The following PMP22 variants were observed in gnomAD, a reference collection of about 807,000 sequenced individuals.
The protein encoded by PMP22 is peripheral myelin protein 22.
PMP22 carries 2 observed loss-of-function variants against 18.9 expected under a neutral mutation model. That is an observed-to-expected ratio of 0.11 (90% CI 0.04 to 0.33). The LOEUF is 0.33. Ranked by LOEUF, PMP22 falls within the 10% of genes least tolerant of loss-of-function variation. The pLI is 1.00. For missense variants in PMP22, 169 were observed against 202.2 expected, an observed-to-expected ratio of 0.84 and a Z score of 1.00; for synonymous variants, 95 against 89.2, an observed-to-expected ratio of 1.07 and a Z score of -0.37.
At chr17:15,250,072 C>T (rs893643770) in intron 3 of PMP22, among the ~76,000 whole-genome samples, 165 of 152,270 alleles carry the variant, frequency 1.1e-3, no homozygotes, top group African/African-American at 3.9e-3. Context: ...CCGGCCACCA[C>T]GCCCGGCTAA....
At chr17:15,247,598 C>T (rs1046792553) in intron 3 of PMP22, among the ~76,000 whole-genome samples, 1 of 152,176 alleles carries the variant, frequency 6.6e-6, no homozygotes, top group African/African-American at 2.4e-5. Flanking sequence ...ACATCAGCCC[C>T]CTCAGCTATA....
intron 3 of PMP22, among the ~76,000 whole-genome samples, chr17:15,247,669 C>A (rs2150689787): frequency 6.6e-6 from 1 of 152,296 alleles, no homozygotes; most frequent in South Asian, 2.1e-4. Flanking sequence ...AAGCACTTTT[C>A]AATGTAACAG....
chr17:15,264,892 ATTCCTTTC>A (rs947359729), intron 1 of PMP22, among the ~76,000 whole-genome samples: 1 of 152,106 alleles, frequency 6.6e-6, no homozygotes, highest in Non-Finnish European at 1.5e-5. Context: ...AAGCATCTAG[ATTCCTTTC>A]TTCCTTTCAA....
intron 4 of PMP22, among the ~76,000 whole-genome samples, chr17:15,238,659 C>CAAGATGT (rs145962398): frequency 0.023 from 3,550 of 152,110 alleles, 122 homozygotes; most frequent in African/African-American, 0.077. Context: ...AGGCAGAATG[C>CAAGATGT]AAGATGTAAG....
At chr17:15,247,046 GAA>G (rs1334667375) in intron 3 of PMP22, among the ~76,000 whole-genome samples, 23 of 128,840 alleles carry the variant, frequency 1.8e-4, no homozygotes, top group East Asian at 7.2e-4. Flanking sequence ...CTCCAGCCTG[GAA>G]ACAGAGCAAG....
chr17:15,242,971 A>T (rs774803933), intron 3 of PMP22, among the ~76,000 whole-genome samples: 15 of 152,188 alleles, frequency 9.9e-5, no homozygotes, highest in Non-Finnish European at 1.8e-4. Context: ...TGAAAAGTAA[A>T]AACTTCTTCA....
chr17:15,240,988 C>T (rs1257677138), intron 3 of PMP22, among the ~76,000 whole-genome samples: 2 of 152,254 alleles, frequency 1.3e-5, no homozygotes, highest in East Asian at 1.9e-4. Flanking sequence ...TAAGATGTTT[C>T]CAAGGCACAG....
intron 3 of PMP22, among the ~76,000 whole-genome samples, chr17:15,249,334 T>C (rs1908122135): frequency 6.6e-6 from 1 of 152,178 alleles, no homozygotes; most frequent in Admixed American, 6.5e-5. Flanking sequence ...CCTGCTCTGC[T>C]TTTAGGAAAC....
At chr17:15,247,515 G>C (rs187909285) in intron 3 of PMP22, among the ~76,000 whole-genome samples, 1 of 152,304 alleles carries the variant, frequency 6.6e-6, no homozygotes, top group African/African-American at 2.4e-5. Flanking sequence ...TGGGAAGCTC[G>C]AGTTGCACAA....
chr17:15,256,309 T>C (rs1350785172), intron 3 of PMP22, among the ~76,000 whole-genome samples: 3 of 151,856 alleles, frequency 2.0e-5, no homozygotes, highest in Non-Finnish European at 2.9e-5. Flanking sequence ...AGAGGTGAAG[T>C]GTCATGGTCA....
chr17:15,238,458 C>G (rs1906995906), intron 4 of PMP22, among the ~76,000 whole-genome samples: 1 of 152,090 alleles, frequency 6.6e-6, no homozygotes, highest in African/African-American at 2.4e-5. Context: ...CATCCTTTGC[C>G]CTCTCAGAGG....
At chr17:15,257,846 A>G (rs955152767) in intron 3 of PMP22, among the ~76,000 whole-genome samples, 1 of 151,984 alleles carries the variant, frequency 6.6e-6, no homozygotes, top group African/African-American at 2.4e-5. Context: ...AGGGTTTTCT[A>G]CTCCTTGCGT....
chr17:15,230,498 G>A lies in PMP22; in HGVS notation c.*419C>T. The A allele has an allele frequency of 4.8e-6, 1 of 209,754 alleles. No individual in the cohort carries two copies. Among genetic ancestry groups the A allele is most frequent in the Non-Finnish European group, 9.8e-6 (1 of 102,416 alleles). The allele number at this position is 209,754 out of a possible 1,614,324, so 13.0% of individuals were successfully genotyped here. The stretch of plus-strand genomic sequence containing the variant: ...ACACTTTGGTTTTCTAAATGAGGTG[G>A]ACTGGGAGGGAGGTATCTTCTTTCA... On this transcript the variant is annotated 3_prime_UTR_variant, in exon 5 of 5. Coordinates refer to ENST00000312280, the MANE Select transcript of PMP22 (RefSeq NM_000304.4).
intron 3 of PMP22, among the ~76,000 whole-genome samples, chr17:15,249,544 G>C (rs1404390829): frequency 6.6e-6 from 1 of 152,182 alleles, no homozygotes; most frequent in Non-Finnish European, 1.5e-5. Context: ...AAACTAGAGA[G>C]GGTGGAAGGA....
At chr17:15,238,575 T>C (rs745335440) in intron 4 of PMP22, among the ~76,000 whole-genome samples, 10 of 152,244 alleles carry the variant, frequency 6.6e-5, no homozygotes, top group Non-Finnish European at 1.2e-4. Flanking sequence ...TAGCTCTTAC[T>C]TCTCTCCAAT....
At chr17:15,254,000 A>G (rs1908593405) in intron 3 of PMP22, among the ~76,000 whole-genome samples, 2 of 152,226 alleles carry the variant, frequency 1.3e-5, no homozygotes, top group Non-Finnish European at 2.9e-5. Context: ...GTCCTGCATG[A>G]AAGATCAGAA....
At position 15,230,940 on chromosome 17, in the gene PMP22, C is replaced by T; in HGVS notation, c.460G>A (p.Val154Met). Residue 154 changes from valine (V) to methionine (M), a missense_variant, in exon 5 of 5, where the codon GTG becomes ATG. By Grantham distance (21) the Val-to-Met change is conservative. Transcript: ENST00000312280. The part of the protein sequence containing the change: ...PLALLSGVIY[V>M]ILRKRE ...CCTCATTCGCGTTTCCGCAAGATCA[C>T]ATAGATGACACCGCTGAGAAGGGCC... 1.2e-6 allele frequency: 2 copies of T among 1,614,112 alleles called. No homozygotes were observed. The highest frequency in any genetic ancestry group is 1.7e-6 in the Non-Finnish European group (2 of 1,180,034).
At chr17:15,235,278 T>C (rs985126111) in intron 4 of PMP22, 2 of 717,492 alleles carry the variant, frequency 2.8e-6, no homozygotes, top group South Asian at 1.5e-5. Context: ...TTGACTTGAG[T>C]TTGATTCTGC....
chr17:15,255,178 T>C (rs1365090723), intron 3 of PMP22, among the ~76,000 whole-genome samples: 1 of 152,124 alleles, frequency 6.6e-6, no homozygotes, highest in African/African-American at 2.4e-5. Context: ...CAAAAGAGTA[T>C]GATTGGGTAT....
Sources: allele counts gnomAD v4.1 joint callset (sites outside exome capture counted in the v4.1 genomes callset), GRCh38; gene constraint gnomAD v4.1.1; transcripts MANE v1.5; gene names NCBI Gene and HGNC (gene_info 2026-07-23, HGNC 2026-07-21).